Variants in GRIN2B observed in about 807,000 individuals in gnomAD.
GRIN2B encodes the protein glutamate receptor ionotropic, NMDA 2B.
GRIN2B carries 5 observed loss-of-function variants against 114.5 expected under a neutral mutation model. The observed-to-expected ratio is 0.04, with a 90% CI of 0.02 to 0.09. GRIN2B has a LOEUF of 0.09. Ranked by LOEUF, GRIN2B falls within the 10% of genes least tolerant of loss-of-function variation. GRIN2B has a pLI of 1.00. For synonymous variants in GRIN2B, 787 were observed against 745.1 expected (o/e 1.06, Z -0.92); for missense variants, 1,108 against 1,943.5 (o/e 0.57, Z 8.08).
At chr12:13,566,252 G>A (rs1247320980) in intron 13 of GRIN2B, among the ~76,000 whole-genome samples, 1 of 152,190 alleles carries the variant, frequency 6.6e-6, no homozygotes, top group Non-Finnish European at 1.5e-5. Flanking sequence ...TTGAGTCAAA[G>A]TTGGTTGGCC....
chr12:13,673,405 T>C (rs1449652812), intron 5 of GRIN2B, among the ~76,000 whole-genome samples: 1 of 152,016 alleles, frequency 6.6e-6, no homozygotes, highest in Non-Finnish European at 1.5e-5. Flanking sequence ...AGATCAAGTC[T>C]AGCCCCAGTC....
At chr12:13,822,122 A>C (rs573094332) in intron 3 of GRIN2B, among the ~76,000 whole-genome samples, 2 of 152,274 alleles carry the variant, frequency 1.3e-5, no homozygotes, top group South Asian at 4.1e-4. Context: ...CTAAAGTCTT[A>C]TGAAATTTTT....
chr12:13,589,131 C>A (rs1174322748), intron 10 of GRIN2B, among the ~76,000 whole-genome samples: 2 of 152,172 alleles, frequency 1.3e-5, no homozygotes, highest in African/African-American at 4.8e-5. Flanking sequence ...TTCTTATTTG[C>A]TAAATCTGTT....
intron 4 of GRIN2B, among the ~76,000 whole-genome samples, chr12:13,721,469 G>T (rs1046034185): frequency 4.6e-5 from 7 of 152,040 alleles, no homozygotes; most frequent in African/African-American, 1.7e-4. Context: ...ATGATGAAAA[G>T]ACAGGCTCAA....
chr12:13,563,169 G>A lies in GRIN2B; in HGVS notation c.4069C>T (p.Pro1357Ser). The A allele has an allele frequency of 6.2e-7, 1 of 1,614,210 alleles. No homozygotes were observed. The highest frequency in any genetic ancestry group is 8.5e-7 in the Non-Finnish European group (1 of 1,180,040). ...STFANNKSSV[P>S]TAGHHHHNNP... ...TTGTGGTGGTGATGTCCGGCAGTGG[G>A]CACTGAGGACTTGTTGTTGGCAAAG... The change falls in exon 14 of 14, where the codon CCC (proline) becomes TCC (serine). Residue 1357 changes from proline to serine, a missense_variant. Physicochemically the swap from Pro to Ser is moderately conservative, Grantham distance 74 (BLOSUM62 -1). This residue lies in a region of GRIN2B where 478 missense variants were observed against 506.0 expected (regional missense o/e 0.94). Coordinates refer to ENST00000609686, the MANE Select transcript of GRIN2B (RefSeq NM_000834.5).
At chr12:13,971,586 C>A (rs888362885) in intron 2 of GRIN2B, among the ~76,000 whole-genome samples, 1 of 152,144 alleles carries the variant, frequency 6.6e-6, no homozygotes, top group African/African-American at 2.4e-5. Context: ...GATAATTGCA[C>A]CATTCACACC....
chr12:13,658,222 T>C (rs4763355), intron 5 of GRIN2B, among the ~76,000 whole-genome samples: 145,178 of 150,912 alleles, frequency 0.96, 70,064 homozygotes, highest in South Asian at 1. Context: ...AAAAAAAAGC[T>C]AAAAAGCCAA....
intron 3 of GRIN2B, among the ~76,000 whole-genome samples, chr12:13,779,072 T>C (rs1864057763): frequency 6.6e-6 from 1 of 152,170 alleles, no homozygotes; most frequent in Non-Finnish European, 1.5e-5. Flanking sequence ...TATTTGAGAC[T>C]GAGTCTTGTT....
At chr12:13,622,400 C>G (rs1431673944) in intron 5 of GRIN2B, among the ~76,000 whole-genome samples, 1 of 152,160 alleles carries the variant, frequency 6.6e-6, no homozygotes, top group Admixed American at 6.5e-5. Flanking sequence ...GGGCAGGCCT[C>G]AGACTCTGAA....
intron 3 of GRIN2B, among the ~76,000 whole-genome samples, chr12:13,806,788 T>C (rs1256559412): frequency 6.6e-6 from 1 of 152,080 alleles, no homozygotes; most frequent in Non-Finnish European, 1.5e-5. Flanking sequence ...TTTTAAAAAA[T>C]CTTTGCCCAA....
rs144933956 is a variant in GRIN2B at position 13,706,807 on chromosome 12, C to A, written c.1011-30948G>T. 2.1e-4 allele frequency among the ~76,000 whole-genome samples: 32 copies of A among 152,240 alleles called. No individual in the cohort carries two copies. In the East Asian group the frequency reaches 6.2e-3, roughly 29 times the overall value. ...TCACAAAGTAAATCGGAGCAGGAGA[C>A]ATTTTGGCCTGCCTTGTTCCAAGGC... On this transcript the variant is annotated intron_variant, in intron 4 of 13. Transcript: ENST00000609686.
At chr12:13,874,064 G>GC (rs1179007863) in intron 2 of GRIN2B, among the ~76,000 whole-genome samples, 4 of 152,090 alleles carry the variant, frequency 2.6e-5, no homozygotes, top group African/African-American at 9.7e-5. Context: ...CCCATCCTAA[G>GC]CCCCCCAGCT....
chr12:13,664,235 G>T (rs565347392), intron 5 of GRIN2B, among the ~76,000 whole-genome samples: 2 of 152,210 alleles, frequency 1.3e-5, no homozygotes, highest in African/African-American at 4.8e-5. Context: ...CAATTATTGG[G>T]CATGGAGGCT....
intron 3 of GRIN2B, among the ~76,000 whole-genome samples, chr12:13,830,986 C>G (rs932313670): frequency 6.6e-6 from 1 of 152,318 alleles, no homozygotes; most frequent in South Asian, 2.1e-4. Context: ...GGAGGTGGAT[C>G]TCTCATGAAT....
intron 5 of GRIN2B, among the ~76,000 whole-genome samples, chr12:13,637,002 C>A (rs1949671599): frequency 6.6e-6 from 1 of 151,982 alleles, no homozygotes; most frequent in African/African-American, 2.4e-5. Context: ...CAGAGAAAAT[C>A]AAGAGTTTGT....
chr12:13,655,926 C>T (rs1031466257), intron 5 of GRIN2B, among the ~76,000 whole-genome samples: 1 of 152,188 alleles, frequency 6.6e-6, no homozygotes, highest in Non-Finnish European at 1.5e-5. Flanking sequence ...CTTTCATTTC[C>T]TCTGCCTTCT....
chr12:13,664,418 C>T (rs542182995), intron 5 of GRIN2B, among the ~76,000 whole-genome samples: 2 of 152,130 alleles, frequency 1.3e-5, no homozygotes, highest in Non-Finnish European at 2.9e-5. Flanking sequence ...ACCACCTATA[C>T]TAATTTTTGA....
intron 2 of GRIN2B, among the ~76,000 whole-genome samples, chr12:13,935,742 G>A (rs901750107): frequency 6.6e-6 from 1 of 152,184 alleles, no homozygotes; most frequent in Non-Finnish European, 1.5e-5. Flanking sequence ...TATTATTAAA[G>A]ACAAAGATAA....
chr12:13,919,299 A>G (rs1866785231), intron 2 of GRIN2B, among the ~76,000 whole-genome samples: 1 of 152,116 alleles, frequency 6.6e-6, no homozygotes, highest in South Asian at 2.1e-4. Context: ...TATATCATGT[A>G]CGTAAAAAGC....
Sources: allele counts gnomAD v4.1 joint callset (sites outside exome capture counted in the v4.1 genomes callset), GRCh38; gene constraint gnomAD v4.1.1; regional missense constraint gnomAD v4.1.1; transcripts MANE v1.5; gene names NCBI Gene and HGNC (gene_info 2026-07-23, HGNC 2026-07-21).